Variants in ABHD17B observed in about 807,000 individuals in gnomAD.
ABHD17B encodes abhydrolase domain containing 17B, depalmitoylase.
In ABHD17B, 9 loss-of-function variants were observed where a neutral mutation model predicts 26.2. The observed-to-expected ratio is 0.34, with a 90% CI of 0.21 to 0.60. The LOEUF is 0.60. Among genes scored for constraint, ABHD17B ranks in the 20% least tolerant of loss-of-function variants. The pLI is 0.80. For synonymous variants in ABHD17B, 127 were observed against 122.3 expected (o/e 1.04, Z -0.25); for missense variants, 224 against 352.1 (o/e 0.64, Z 2.91).
chr9:71,900,774 G>A (rs998060426), intron 1 of ABHD17B, among the ~76,000 whole-genome samples: 3 of 151,548 alleles, frequency 2.0e-5, no homozygotes, highest in Non-Finnish European at 4.4e-5. Flanking sequence ...CACTATAGTT[G>A]CAGCCTCTCT....
intron 1 of ABHD17B, among the ~76,000 whole-genome samples, chr9:71,881,743 G>A (rs1424645717): frequency 1.3e-5 from 2 of 151,876 alleles, no homozygotes; most frequent in Non-Finnish European, 1.5e-5. Context: ...AAAATTAGCC[G>A]GGCATGGTGG....
intron 1 of ABHD17B, among the ~76,000 whole-genome samples, chr9:71,907,470 A>G (rs562719541): frequency 6.6e-6 from 1 of 152,262 alleles, no homozygotes; most frequent in South Asian, 2.1e-4. Context: ...AAAAGGGAAC[A>G]GCATTTAAGA....
chr9:71,881,122 C>T (rs572211819), intron 1 of ABHD17B, among the ~76,000 whole-genome samples: 1 of 152,174 alleles, frequency 6.6e-6, no homozygotes, highest in East Asian at 1.9e-4. Context: ...GTAATCAAGA[C>T]AGAATGCTAT....
intron 1 of ABHD17B, among the ~76,000 whole-genome samples, chr9:71,879,797 TGC>T (rs1690523434): frequency 6.6e-6 from 1 of 152,192 alleles, no homozygotes; most frequent in Non-Finnish European, 1.5e-5. Flanking sequence ...AACAATCCTC[TGC>T]TTTAGGGACT....
At position 71,875,003 on chromosome 9, in the gene ABHD17B, T is replaced by C; in HGVS notation, c.78A>G (p.Leu26=). 1 of 1,614,144 alleles carries C rather than the reference T, an allele frequency of 6.2e-7. No homozygotes were observed. The highest frequency in any genetic ancestry group is 8.5e-7 in the Non-Finnish European group (1 of 1,180,036). The change falls in exon 2 of 4, where the codon TTA becomes TTG. Residue 26 remains leucine, a synonymous_variant. Transcript: ENST00000333421. ...PPCPGKIASK[L]AFLPPDPTYT... ...AAGTTGGATCAGGTGGCAAAAACGC[T>C]AATTTTGAAGCAATCTTCCCTGGAC... is the stretch of plus-strand genomic sequence containing the variant.
intron 3 of ABHD17B, among the ~76,000 whole-genome samples, chr9:71,868,916 T>G (rs972717818): frequency 1.3e-5 from 2 of 152,142 alleles, no homozygotes; most frequent in South Asian, 4.1e-4. Context: ...CTCGAACTCT[T>G]GGCCTCAAGT....
At position 71,888,499 on chromosome 9, in the gene ABHD17B, C is replaced by A. The variant is rs115992707; in HGVS notation, c.-3-13416G>T. On this transcript the variant is annotated intron_variant, in intron 1 of 3. Transcript: ENST00000333421. ...CCCTGAGAAACTTTTCAGGTGAGTA[C>A]CTACTCAGTATTTTTCATACCATAG... Among the ~76,000 whole-genome samples, 1,386 of 152,222 alleles carry A rather than the reference C, an allele frequency of 9.1e-3. 21 individuals are homozygous for A. Among genetic ancestry groups the A allele is most frequent in the African/African-American group, 0.031 (1,280 of 41,522 alleles).
intron 1 of ABHD17B, among the ~76,000 whole-genome samples, chr9:71,904,862 A>T (rs1468577166): frequency 6.6e-6 from 1 of 152,220 alleles, no homozygotes; most frequent in African/African-American, 2.4e-5. Context: ...AACATAAAAA[A>T]TTACCTAATT....
intron 1 of ABHD17B, among the ~76,000 whole-genome samples, chr9:71,906,830 A>AC (rs397804623): frequency 1.7e-4 from 25 of 151,078 alleles, no homozygotes; most frequent in East Asian, 5.8e-4. Flanking sequence ...AAAAAAAAAA[A>AC]CAGCATCTGC....
At position 71,884,336 on chromosome 9, in the gene ABHD17B, G is replaced by T. The variant is rs530322573; in HGVS notation, c.-3-9253C>A. Among the ~76,000 whole-genome samples, 21 of 152,236 alleles carry T rather than the reference G, an allele frequency of 1.4e-4. No homozygotes were observed. The South Asian group carries it at 4.4e-3, about 32-fold the overall frequency. ...TTGCACAGGTCCTTTAAGTGTATCT[G>T]AAGTATTATTTGTGTCAGGGCCTGA... On this transcript the variant is annotated intron_variant, in intron 1 of 3. Transcript: ENST00000333421.
At chr9:71,868,364 C>T (rs563218941) in intron 3 of ABHD17B, among the ~76,000 whole-genome samples, 3 of 152,122 alleles carry the variant, frequency 2.0e-5, no homozygotes, top group Admixed American at 1.3e-4. Flanking sequence ...TACATATAAG[C>T]AGGCAACCAA....
At chr9:71,881,883 T>A in intron 1 of ABHD17B, among the ~76,000 whole-genome samples, 2 of 142,634 alleles carry the variant, frequency 1.4e-5, no homozygotes. Flanking sequence ...AAGACTCCCG[T>A]CTCAAAAAAC....
Position 71,865,661 on chromosome 9 carries a change from G to C in ABHD17B, c.*1126C>G. 1.3e-6 allele frequency: 1 copy of C among 783,070 alleles called. No homozygotes were observed. The highest frequency in any genetic ancestry group is 1.5e-6 in the Non-Finnish European group (1 of 645,630). 48.5% of individuals were successfully genotyped at this position (783,070 alleles called of 1,614,324 possible). On this transcript the variant is annotated 3_prime_UTR_variant, in exon 4 of 4. Transcript: ENST00000333421. The stretch of plus-strand genomic sequence containing the variant: ...GCAGATCATGAGGTCAGGAGTTCAA[G>C]ACCAGCCTGATCAACATGGCAAAAC...
At chr9:71,890,483 A>G (rs1826750090) in intron 1 of ABHD17B, among the ~76,000 whole-genome samples, 1 of 152,242 alleles carries the variant, frequency 6.6e-6, no homozygotes, top group Non-Finnish European at 1.5e-5. Context: ...TGCTGACTAT[A>G]CAATTAAGTT....
chr9:71,910,264 G>C (rs941332320), intron 1 of ABHD17B, among the ~76,000 whole-genome samples: 1 of 152,128 alleles, frequency 6.6e-6, no homozygotes, highest in African/African-American at 2.4e-5. Flanking sequence ...CATCCACTGA[G>C]AGAAAAGCAA....
intron 2 of ABHD17B, among the ~76,000 whole-genome samples, chr9:71,873,510 G>A (rs1301225366): frequency 6.6e-6 from 1 of 151,894 alleles, no homozygotes; most frequent in African/African-American, 2.4e-5. Flanking sequence ...TGATTCTCCT[G>A]CCTCAGCTTC....
intron 2 of ABHD17B, among the ~76,000 whole-genome samples, chr9:71,872,395 A>T (rs903016092): frequency 3.9e-5 from 6 of 152,198 alleles, no homozygotes; most frequent in Non-Finnish European, 7.4e-5. Flanking sequence ...GTTTTCTTCA[A>T]ATTGGTAAAT....
chr9:71,892,945 T>C (rs1826836417), intron 1 of ABHD17B, among the ~76,000 whole-genome samples: 1 of 152,218 alleles, frequency 6.6e-6, no homozygotes, highest in Non-Finnish European at 1.5e-5. Flanking sequence ...CATCATTTTC[T>C]TCTCCTGCCA....
chr9:71,886,509 A>G (rs2310052), intron 1 of ABHD17B, among the ~76,000 whole-genome samples: 142,075 of 151,854 alleles, frequency 0.94, 67,120 homozygotes, highest in East Asian at 1. Context: ...AACATTTTCT[A>G]TCTTATCTGG....
Sources: allele counts gnomAD v4.1 joint callset (sites outside exome capture counted in the v4.1 genomes callset), GRCh38; gene constraint gnomAD v4.1.1; transcripts MANE v1.5; gene names NCBI Gene and HGNC (gene_info 2026-07-23, HGNC 2026-07-21).